Variants in MTRF1 observed in about 807,000 individuals in gnomAD.
MTRF1 encodes the protein mitochondrial translation release factor 1.
A neutral mutation model predicts 62.9 loss-of-function variants in MTRF1; 51 were observed. The ratio of observed to expected loss-of-function variants is 0.81; its 90% confidence interval spans 0.65 to 1.02. The LOEUF is 1.02. MTRF1 is among the 50% of genes least tolerant of loss of function. The probability of loss-of-function intolerance (pLI) is 0.00; values close to 1 mark genes in which losing one functional copy is unlikely to be tolerated. For synonymous variants in MTRF1, 158 were observed against 181.9 expected (o/e 0.87, Z 1.06); for missense variants, 446 against 530.0 (o/e 0.84, Z 1.56).
chr13:41,232,036 G>A (rs2035672088), intron 7 of MTRF1, among the ~76,000 whole-genome samples: 1 of 152,004 alleles, frequency 6.6e-6, no homozygotes. Flanking sequence ...TCACACCACT[G>A]TACTCCAGCC....
intron 7 of MTRF1, among the ~76,000 whole-genome samples, chr13:41,227,966 C>A (rs886109001): frequency 6.6e-6 from 1 of 152,174 alleles, no homozygotes; most frequent in African/African-American, 2.4e-5. Flanking sequence ...ACTCTCGTAT[C>A]CTTTTTGTAC....
the MTRF1 span, among the ~76,000 whole-genome samples, chr13:41,309,909 T>C: frequency 1.3e-5 from 2 of 152,100 alleles, no homozygotes; most frequent in African/African-American, 2.4e-5. Context: ...GGCAGGAGAA[T>C]CGCTTGAACC....
the MTRF1 span, chr13:41,311,597 G>A: frequency 2.5e-6 from 4 of 1,600,202 alleles, no homozygotes; most frequent in East Asian, 6.8e-5. Flanking sequence ...GTGGCCGTAG[G>A]CCGCGCTGCC....
At chr13:41,259,701 CA>C (rs67069580) in intron 2 of MTRF1, among the ~76,000 whole-genome samples, 573 of 29,272 alleles carry the variant, frequency 0.02, 2 homozygotes, top group African/African-American at 0.056. Context: ...GACTCCGTCT[CA>C]AAAAAAAAAA....
At chr13:41,311,341 G>A in the MTRF1 span, 13 of 601,814 alleles carry the variant, frequency 2.2e-5, no homozygotes, top group Middle Eastern at 2.7e-4. Flanking sequence ...TGCTCAGACC[G>A]CCTTCCTTCT....
the MTRF1 span, among the ~76,000 whole-genome samples, chr13:41,296,581 CAAT>C: frequency 6.6e-6 from 1 of 152,040 alleles, no homozygotes; most frequent in African/African-American, 2.4e-5. Context: ...TGTCAAATAA[CAAT>C]AATATTAGAT....
the MTRF1 span, chr13:41,311,523 G>C: frequency 1.9e-6 from 3 of 1,601,200 alleles, no homozygotes; most frequent in Non-Finnish European, 2.6e-6. Flanking sequence ...CTCCCTGCCG[G>C]CCACGATGCC....
the MTRF1 span, among the ~76,000 whole-genome samples, chr13:41,274,011 CAGATATCCATTAG>C: frequency 1.3e-5 from 2 of 152,180 alleles, no homozygotes; most frequent in Non-Finnish European, 2.9e-5. Flanking sequence ...AGGAGGCAAT[CAGATATCCATTAG>C]TCTTAGTGAG....
upstream of MTRF1, among the ~76,000 whole-genome samples, chr13:41,265,935 T>G (rs528755841): frequency 6.6e-6 from 1 of 152,150 alleles, no homozygotes. Context: ...CTGCAACTTC[T>G]GTCTCCCGGA....
Position 41,240,363 on chromosome 13 carries a change from C to G in MTRF1, c.768G>C (p.Gly256=). 6.2e-7 allele frequency: 1 copy of G among 1,613,890 alleles called. No homozygotes were observed. The highest frequency in any genetic ancestry group is 1.1e-5 in the South Asian group (1 of 91,022). ...CGGGGATGCGCTGAACTCGGTGAAT[C>G]CCACCCTCATACTTCAAATGCTTAT... ...GVYKHLKYEG[G]IHRVQRIPEV... The change falls in exon 6 of 10, where the codon GGG becomes GGC. Residue 256 remains glycine (G), a synonymous_variant. Coordinates refer to ENST00000379480, the MANE Select transcript of MTRF1 (RefSeq NM_004294.4).
chr13:41,227,003 T>C (rs527470859), intron 7 of MTRF1, among the ~76,000 whole-genome samples: 2 of 152,240 alleles, frequency 1.3e-5, no homozygotes, highest in Admixed American at 1.3e-4. Context: ...AAAATACCTT[T>C]ATAATGGCTG....
At chr13:41,245,696 C>T (rs1310430215) in intron 5 of MTRF1, among the ~76,000 whole-genome samples, 1 of 152,118 alleles carries the variant, frequency 6.6e-6, no homozygotes, top group Non-Finnish European at 1.5e-5. Context: ...AACCTTAATA[C>T]TTTTCTATGG....
At chr13:41,311,610 C>G in the MTRF1 span, 6 of 1,593,622 alleles carry the variant, frequency 3.8e-6, no homozygotes, top group Admixed American at 8.8e-5. Context: ...GCGCTGCCGC[C>G]CCCCGGTCCC....
the MTRF1 span, among the ~76,000 whole-genome samples, chr13:41,309,383 T>TGTGTGTGTG: frequency 1.1e-4 from 16 of 144,788 alleles, no homozygotes; most frequent in East Asian, 2.1e-4. Flanking sequence ...TGTGTGTGTG[T>TGTGTGTGTG]TTGCCATGTT....
At chr13:41,220,741 C>A in intron 9 of MTRF1, 1 of 494,416 alleles carries the variant, frequency 2.0e-6, no homozygotes, top group South Asian at 1.7e-5. Context: ...ATTCTCTTCT[C>A]ACTGAAGATG....
chr13:41,268,033 C>T (rs1169926413), upstream of MTRF1, among the ~76,000 whole-genome samples: 2 of 152,200 alleles, frequency 1.3e-5, no homozygotes, highest in Admixed American at 6.5e-5. Context: ...CACTGAAATT[C>T]AGGCTCTGAA....
At chr13:41,263,601 C>G (rs2040715358), upstream of MTRF1, 1 of 190,492 alleles carries the variant, frequency 5.2e-6, no homozygotes, top group South Asian at 8.8e-5. Context: ...TCACTTCTTC[C>G]GGGTTAACGC....
At chr13:41,286,768 A>AT in the MTRF1 span, among the ~76,000 whole-genome samples, 12 of 152,078 alleles carry the variant, frequency 7.9e-5, no homozygotes, top group Non-Finnish European at 1.8e-4. Flanking sequence ...AAGCTGGTCA[A>AT]TTTTTTTTAA....
intron 5 of MTRF1, among the ~76,000 whole-genome samples, chr13:41,241,361 GT>G (rs1168010169): frequency 1.3e-5 from 2 of 151,830 alleles, no homozygotes; most frequent in Non-Finnish European, 2.9e-5. Context: ...CTTATCTAAT[GT>G]TTTTTTAAAA....
Sources: gnomAD v4.1 joint callset for allele counts (sites outside exome capture counted in the v4.1 genomes callset) on GRCh38, gnomAD v4.1.1 for gene constraint, MANE v1.5 for transcripts, NCBI Gene and HGNC (gene_info 2026-07-23, HGNC 2026-07-21) for gene names.